PTPRD: variants seen among roughly 807,000 people sequenced by gnomAD.
The protein encoded by PTPRD is receptor-type tyrosine-protein phosphatase delta.
A neutral mutation model predicts 214.5 loss-of-function variants in PTPRD; 34 were observed. That is an observed-to-expected ratio of 0.16 (90% CI 0.12 to 0.21). The LOEUF is 0.21. Among genes scored for constraint, PTPRD ranks in the 10% least tolerant of loss-of-function variants. PTPRD has a pLI of 1.00. For missense variants in PTPRD, 2,545 were observed against 2,398.7 expected, an observed-to-expected ratio of 1.06 and a Z score of -1.27; for synonymous variants, 1,128 against 845.7, an observed-to-expected ratio of 1.33 and a Z score of -5.79.
At chr9:9,748,936 T>C (rs1282385918) in intron 6 of PTPRD, among the ~76,000 whole-genome samples, 1 of 152,194 alleles carries the variant, frequency 6.6e-6, no homozygotes, top group Non-Finnish European at 1.5e-5. Context: ...TTTGACAACA[T>C]GGCTGGTGAT....
intron 9 of PTPRD, among the ~76,000 whole-genome samples, chr9:9,290,025 A>C (rs191018925): frequency 1.7e-4 from 26 of 151,782 alleles, no homozygotes; most frequent in African/African-American, 6.3e-4. Context: ...TTTTTTGAGG[A>C]GCCTTCATAC....
At chr9:10,211,042 A>T (rs1466116960) in intron 3 of PTPRD, among the ~76,000 whole-genome samples, 2 of 151,734 alleles carry the variant, frequency 1.3e-5, no homozygotes, top group Non-Finnish European at 2.9e-5. Flanking sequence ...ACAGTATATG[A>T]TTTTTAAATT....
intron 6 of PTPRD, among the ~76,000 whole-genome samples, chr9:9,749,730 T>C (rs995852627): frequency 4.6e-5 from 7 of 152,192 alleles, no homozygotes; most frequent in African/African-American, 1.7e-4. Context: ...ATATTAAGAG[T>C]CTGACAGTTC....
At chr9:9,774,222 T>C (rs567723423) in intron 5 of PTPRD, among the ~76,000 whole-genome samples, 1 of 152,338 alleles carries the variant, frequency 6.6e-6, no homozygotes, top group African/African-American at 2.4e-5. Flanking sequence ...TTAAAACACA[T>C]GGAGTTTGAT....
At chr9:9,117,634 G>T (rs533833871) in intron 10 of PTPRD, among the ~76,000 whole-genome samples, 1 of 152,004 alleles carries the variant, frequency 6.6e-6, no homozygotes, top group Non-Finnish European at 1.5e-5. Flanking sequence ...ATTACTGAAT[G>T]AAAGTTTACT....
At chr9:9,098,196 C>T (rs1449235202) in intron 10 of PTPRD, among the ~76,000 whole-genome samples, 3 of 151,918 alleles carry the variant, frequency 2.0e-5, no homozygotes, top group Non-Finnish European at 4.4e-5. Context: ...TTTCTTTTTC[C>T]CCAAATTCCA....
chr9:9,708,552 G>C (rs761005942), intron 7 of PTPRD, among the ~76,000 whole-genome samples: 3 of 151,998 alleles, frequency 2.0e-5, no homozygotes, highest in Non-Finnish European at 4.4e-5. Context: ...GTCATTGAGT[G>C]TGAATTTTAC....
chr9:9,608,862 T>G (rs889482782), intron 7 of PTPRD, among the ~76,000 whole-genome samples: 1 of 152,204 alleles, frequency 6.6e-6, no homozygotes, highest in Non-Finnish European at 1.5e-5. Context: ...CCTTCTTTCC[T>G]GACTCATTGC....
chr9:10,277,118 G>C (rs1595940155), intron 3 of PTPRD, among the ~76,000 whole-genome samples: 1 of 151,984 alleles, frequency 6.6e-6, no homozygotes, highest in Non-Finnish European at 1.5e-5. Context: ...CTGATCTGGA[G>C]GTTAATGTCT....
intron 3 of PTPRD, among the ~76,000 whole-genome samples, chr9:10,134,717 C>G (rs568737527): frequency 6.6e-6 from 1 of 152,154 alleles, no homozygotes; most frequent in South Asian, 2.1e-4. Flanking sequence ...TAAAAAAAAG[C>G]CCCATCTAAA....
intron 12 of PTPRD, among the ~76,000 whole-genome samples, chr9:8,663,308 C>A (rs1240329212): frequency 6.8e-6 from 1 of 146,094 alleles, no homozygotes; most frequent in African/African-American, 2.5e-5. Flanking sequence ...ATTCTGGGTC[C>A]ACAAGGTAAA....
chr9:9,191,194 CAT>C (rs1425855731), intron 9 of PTPRD, among the ~76,000 whole-genome samples: 1 of 152,146 alleles, frequency 6.6e-6, no homozygotes, highest in Admixed American at 6.6e-5. Flanking sequence ...CCAGTTACCA[CAT>C]GATGACTAGC....
At chr9:9,977,353 T>C (rs1019053138) in intron 4 of PTPRD, among the ~76,000 whole-genome samples, 3 of 152,190 alleles carry the variant, frequency 2.0e-5, no homozygotes, top group African/African-American at 7.2e-5. Flanking sequence ...GGCACCCTAA[T>C]ACATTTATAA....
At chr9:8,441,468 C>T (rs1397177220) in intron 34 of PTPRD, among the ~76,000 whole-genome samples, 1 of 151,938 alleles carries the variant, frequency 6.6e-6, no homozygotes, top group Non-Finnish European at 1.5e-5. Flanking sequence ...AATGTTGACT[C>T]AAAATTTTGT....
intron 5 of PTPRD, among the ~76,000 whole-genome samples, chr9:9,797,944 AG>A (rs1000094205): frequency 1.3e-5 from 2 of 152,214 alleles, no homozygotes; most frequent in African/African-American, 2.4e-5. Flanking sequence ...GTGAAATAAA[AG>A]TAAGTTAAAG....
chr9:8,769,185 T>C (rs1430685865), intron 11 of PTPRD, among the ~76,000 whole-genome samples: 1 of 152,250 alleles, frequency 6.6e-6, no homozygotes, highest in African/African-American at 2.4e-5. Flanking sequence ...ATTTATGTTA[T>C]AATGTTTACT....
At chr9:9,701,795 C>G (rs2097507355) in intron 7 of PTPRD, among the ~76,000 whole-genome samples, 3 of 152,072 alleles carry the variant, frequency 2.0e-5, no homozygotes. Flanking sequence ...AGAAATGAAG[C>G]TTTCTATATA....
intron 3 of PTPRD, among the ~76,000 whole-genome samples, chr9:10,147,683 C>G (rs956038914): frequency 1.3e-5 from 2 of 151,852 alleles, no homozygotes; most frequent in Non-Finnish European, 2.9e-5. Flanking sequence ...AGTTCAAGAC[C>G]AGCCTGGCCA....
At chr9:9,666,612 T>G (rs1009648714) in intron 7 of PTPRD, among the ~76,000 whole-genome samples, 2 of 152,014 alleles carry the variant, frequency 1.3e-5, no homozygotes, top group African/African-American at 4.8e-5. Context: ...ATTTAATAAG[T>G]TGGCAAATTG....
Sources: gnomAD v4.1 joint callset for allele counts (sites outside exome capture counted in the v4.1 genomes callset) on GRCh38, gnomAD v4.1.1 for gene constraint, MANE v1.5 for transcripts, NCBI Gene and HGNC (gene_info 2026-07-23, HGNC 2026-07-21) for gene names.